The following PELI2 variants were observed in gnomAD, a reference collection of about 807,000 sequenced individuals.
PELI2 encodes the protein E3 ubiquitin-protein ligase pellino homolog 2.
In PELI2, 23 loss-of-function variants were observed where a neutral mutation model predicts 42.3. The ratio of observed to expected loss-of-function variants is 0.54; its 90% CI spans 0.39 to 0.77. The LOEUF (loss-of-function observed/expected upper bound fraction) is 0.77. Ranked by LOEUF, PELI2 falls within the 30% of genes least tolerant of loss-of-function variation. PELI2 has a pLI of 0.00. For synonymous variants in PELI2, 245 were observed against 212.2 expected (o/e 1.15, Z -1.34); for missense variants, 463 against 553.2 (o/e 0.84, Z 1.64).
chr14:56,282,979 T>A (rs931493691), intron 3 of PELI2, among the ~76,000 whole-genome samples: 1 of 152,202 alleles, frequency 6.6e-6, no homozygotes, highest in Admixed American at 6.5e-5. Flanking sequence ...CAGTGATACT[T>A]TTTTACCACT....
chr14:56,125,850 C>T (rs1037050723), intron 1 of PELI2, among the ~76,000 whole-genome samples: 10 of 152,048 alleles, frequency 6.6e-5, no homozygotes, highest in African/African-American at 2.4e-4. Context: ...CTTTCTGGTG[C>T]ATGTTAGGTA....
chr14:56,197,915 AGACAC>A lies in PELI2; in HGVS notation c.207+19452_207+19456del, dbSNP rs1464590917. 4.6e-5 allele frequency among the ~76,000 whole-genome samples: 3 copies of A among 65,600 alleles called. No homozygotes were observed. The highest frequency in any genetic ancestry group is 1.9e-4 in the African/African-American group (3 of 16,200). The allele number at this position is 65,600 out of a possible 152,430, so 43.0% of individuals were successfully genotyped here. On this transcript the variant is annotated intron_variant, in intron 2 of 5. Transcript: ENST00000267460. This position sits in a 1 kb window ranked among gnomAD's most constrained non-coding sequence, Gnocchi z 4.9. ...ACACACCAGGAATGGTGACTGGTGAAGACACACACACACACACACACACACACACA... is the reference window on the plus strand; with the variant it reads ...ACACACCAGGAATGGTGACTGGTGAAACACACACACACACACACACACACA...
chr14:56,162,074 A>G (rs965026504), intron 1 of PELI2, among the ~76,000 whole-genome samples: 1 of 152,256 alleles, frequency 6.6e-6, no homozygotes, highest in Non-Finnish European at 1.5e-5. Context: ...TAACCACATT[A>G]TGGAGAACAG....
At chr14:56,194,570 C>T (rs1886064871) in intron 2 of PELI2, among the ~76,000 whole-genome samples, 2 of 152,152 alleles carry the variant, frequency 1.3e-5, no homozygotes, top group Admixed American at 6.5e-5. Context: ...ATATTCATGC[C>T]TGTTAGATGT....
Position 56,296,926 on chromosome 14 carries a change from G to T in PELI2, c.1023G>T (p.Val341=). The T allele has an allele frequency of 6.2e-7, 1 of 1,614,150 alleles. No homozygotes were observed. The highest frequency in any genetic ancestry group is 1.3e-5 in the African/African-American group (1 of 75,044). ...NERECPMCRT[V]GPYVPLWLGC... Reference sequence around the variant, plus strand: ...GGGAGTGTCCCATGTGCAGGACTGTGGGCCCCTATGTGCCTCTCTGGCTTG... The same window carrying T: ...GGGAGTGTCCCATGTGCAGGACTGTTGGCCCCTATGTGCCTCTCTGGCTTG... Residue 341 remains valine, a synonymous_variant, in exon 6 of 6, where the codon GTG becomes GTT. Coordinates refer to ENST00000267460, the MANE Select transcript of PELI2 (RefSeq NM_021255.3).
intron 1 of PELI2, among the ~76,000 whole-genome samples, chr14:56,133,036 A>G (rs1595542546): frequency 6.6e-6 from 1 of 152,294 alleles, no homozygotes; most frequent in South Asian, 2.1e-4. Context: ...AAATTTTGGA[A>G]GAAAAATTTT....
At chr14:56,179,239 C>T (rs1344218198) in intron 2 of PELI2, among the ~76,000 whole-genome samples, 1 of 152,002 alleles carries the variant, frequency 6.6e-6, no homozygotes, top group Non-Finnish European at 1.5e-5. Flanking sequence ...TTACATGAAG[C>T]ATTTCATACG....
intron 1 of PELI2, among the ~76,000 whole-genome samples, chr14:56,162,874 C>T (rs891791335): frequency 1.3e-5 from 2 of 151,822 alleles, no homozygotes; most frequent in African/African-American, 4.8e-5. Flanking sequence ...ATGTTGAGCA[C>T]CTGTTTGTCA....
At chr14:56,130,313 G>C (rs1883438467) in intron 1 of PELI2, among the ~76,000 whole-genome samples, 1 of 152,174 alleles carries the variant, frequency 6.6e-6, no homozygotes, top group Non-Finnish European at 1.5e-5. Context: ...AAACTGAGTC[G>C]TGATGCTTGA....
chr14:56,288,632 G>C lies in PELI2; in HGVS notation c.505G>C (p.Gly169Arg). Reference protein sequence around the residue: ...GFDSSKNIFLGEKAAKWKNPD... With the variant: ...GFDSSKNIFLREKAAKWKNPD... ...TGACTCTTCCAAAAACATATTTCTTGGAGTAAGTACTGTCAAGAAGTACAC... is the reference window on the plus strand; with the variant it reads ...TGACTCTTCCAAAAACATATTTCTTCGAGTAAGTACTGTCAAGAAGTACAC... Residue 169 changes from glycine to arginine, a missense_variant and splice_region_variant, in exon 4 of 6, where the codon GGA becomes CGA. By Grantham distance (125) the Gly-to-Arg change is moderately radical. Transcript: ENST00000267460. The surrounding 1 kb of genome is among the most constrained non-coding windows in gnomAD (Gnocchi z 4.6). 1 of 1,607,522 alleles carries C rather than the reference G, an allele frequency of 6.2e-7. No homozygotes were observed. Among genetic ancestry groups the C allele is most frequent in the Non-Finnish European group, 8.5e-7 (1 of 1,175,134 alleles).
At chr14:56,279,323 A>G (rs1487336826) in intron 2 of PELI2, among the ~76,000 whole-genome samples, 1 of 152,246 alleles carries the variant, frequency 6.6e-6, no homozygotes, top group East Asian at 1.9e-4. Flanking sequence ...TAAAACTTGA[A>G]ATAAATGACT....
rs928212638 is a variant in PELI2, at chr14:56,266,462, T to TA, written c.208-13207dup. Reference sequence around the variant, plus strand: ...AAGGGTATAAGCTGTTCATAGTAAATAAAAAAAGAGATAACTCTTAAGCAT... The same window carrying TA: ...AAGGGTATAAGCTGTTCATAGTAAATAAAAAAAAGAGATAACTCTTAAGCAT... On this transcript the variant is annotated intron_variant, in intron 2 of 5. Transcript: ENST00000267460. 7.2e-5 allele frequency among the ~76,000 whole-genome samples: 11 copies of TA among 151,932 alleles called. No individual in the cohort carries two copies. In the East Asian group the frequency reaches 1.7e-3, roughly 24 times the overall value.
rs1203409182 is a variant in PELI2 at position 56,273,482 on chromosome 14, A to G, written c.208-6194A>G. Among the ~76,000 whole-genome samples, 1 of 152,242 alleles carries G rather than the reference A, an allele frequency of 6.6e-6. No homozygotes were observed. The highest frequency in any genetic ancestry group is 2.4e-5 in the African/African-American group (1 of 41,458). On this transcript the variant is annotated intron_variant, in intron 2 of 5. Transcript: ENST00000267460. This position sits in a 1 kb window ranked among gnomAD's most constrained non-coding sequence, Gnocchi z 4.3. ...AGGACAGAAAGTTAAGGGCTGCAAA[A>G]AAGCTGATTATAAAATTCCTTTGAG...
At chr14:56,166,330 C>T (rs1479957237) in intron 1 of PELI2, among the ~76,000 whole-genome samples, 1 of 152,182 alleles carries the variant, frequency 6.6e-6, no homozygotes, top group Admixed American at 6.5e-5. Context: ...ATTGTACTGA[C>T]TATGTCTTGA....
intron 1 of PELI2, among the ~76,000 whole-genome samples, chr14:56,171,575 T>C (rs943966235): frequency 1.3e-5 from 2 of 152,226 alleles, no homozygotes; most frequent in African/African-American, 4.8e-5. Context: ...CCTGTTACAC[T>C]GTGCCAGGTG....
rs1889707346 is a variant in PELI2, at chr14:56,288,291, G to A, written c.310-146G>A. On this transcript the variant is annotated intron_variant, in intron 3 of 5. Transcript: ENST00000267460. This position sits in a 1 kb window ranked among gnomAD's most constrained non-coding sequence, Gnocchi z 4.6. ...CTTCCCTAGTTAAATAGGAAAAGGAGCACGAATGAAAATCTTGCATTAAAT... is the reference window on the plus strand; with the variant it reads ...CTTCCCTAGTTAAATAGGAAAAGGAACACGAATGAAAATCTTGCATTAAAT... The A allele has an allele frequency of 1.5e-6, 1 of 645,828 alleles. No homozygotes were observed. Among genetic ancestry groups the A allele is most frequent in the South Asian group, 1.9e-5 (1 of 51,796 alleles). The allele number at this position is 645,828 out of a possible 1,614,324, so 40.0% of individuals were successfully genotyped here.
intron 1 of PELI2, among the ~76,000 whole-genome samples, chr14:56,131,873 AG>A (rs1180178969): frequency 1.3e-5 from 2 of 152,190 alleles, no homozygotes; most frequent in Non-Finnish European, 2.9e-5. Context: ...TGGGCGACAC[AG>A]TGAAACCCTG....
At chr14:56,202,215 GT>G (rs1886354722) in intron 2 of PELI2, among the ~76,000 whole-genome samples, 1 of 152,148 alleles carries the variant, frequency 6.6e-6, no homozygotes, top group Non-Finnish European at 1.5e-5. Flanking sequence ...TAACAGTGGG[GT>G]TGATTGTACC....
intron 1 of PELI2, chr14:56,119,755 T>A: frequency 3.1e-6 from 3 of 977,590 alleles, no homozygotes; most frequent in Non-Finnish European, 3.6e-6. Flanking sequence ...TTGGGTTTAG[T>A]GTTGAAGAAA....
Sources: allele counts gnomAD v4.1 joint callset (sites outside exome capture counted in the v4.1 genomes callset), GRCh38; gene constraint gnomAD v4.1.1; non-coding constraint Gnocchi (gnomAD v3.1); transcripts MANE v1.5; gene names NCBI Gene and HGNC (gene_info 2026-07-23, HGNC 2026-07-21).